RANBP17: variants seen among roughly 807,000 people sequenced by gnomAD.
RANBP17 encodes RAN binding protein 17, also known as ran-binding protein 17.
Under a neutral mutation model 141.2 loss-of-function variants are expected in RANBP17, and 158 were observed. The ratio of observed to expected loss-of-function variants is 1.12; its 90% CI spans 0.98 to 1.28. The LOEUF (loss-of-function observed/expected upper bound fraction) is 1.28, where lower values mean the gene tolerates loss of function less well. Ranked by LOEUF, RANBP17 falls within the 50% of genes most tolerant of loss-of-function variation. The probability of loss-of-function intolerance (pLI) is 0.00; values close to 1 mark genes in which losing one functional copy is unlikely to be tolerated. For synonymous variants in RANBP17, 430 were observed against 450.0 expected, an observed-to-expected ratio of 0.96 and a Z score of 0.56; for missense variants, 1,438 against 1,290.7, an observed-to-expected ratio of 1.11 and a Z score of -1.75.
rs550258262 is a variant in RANBP17, at chr5:171,084,212, T to C, written c.1711-85918T>C. On this transcript the variant is annotated intron_variant, in intron 14 of 27. Coordinates refer to ENST00000523189, the MANE Select transcript of RANBP17 (RefSeq NM_022897.5). Reference sequence around the variant, plus strand: ...CACCTATGAGTGAGAATATGCAGTGTTTGTTTTTTTGTTCTTGCGATAGTT... The same window carrying C: ...CACCTATGAGTGAGAATATGCAGTGCTTGTTTTTTTGTTCTTGCGATAGTT... Among the ~76,000 whole-genome samples, 574 of 149,820 alleles carry C rather than the reference T, an allele frequency of 3.8e-3. 4 individuals carry two copies. Among genetic ancestry groups the C allele is most frequent in the African/African-American group, 0.014 (559 of 40,874 alleles).
intron 8 of RANBP17, among the ~76,000 whole-genome samples, chr5:170,914,822 G>C (rs911532704): frequency 1.2e-4 from 19 of 152,142 alleles, no homozygotes; most frequent in African/African-American, 3.9e-4. Context: ...TCTTTGCGGA[G>C]CCTAAAACAA....
chr5:171,261,357 A>G (rs1766319104), intron 24 of RANBP17, among the ~76,000 whole-genome samples: 1 of 152,196 alleles, frequency 6.6e-6, no homozygotes. Context: ...CCTATTTCCA[A>G]AACCACTGCC....
chr5:170,918,658 T>A (rs1772174558), intron 9 of RANBP17, 55 bp from the exon 10 acceptor site: 3 of 1,433,408 alleles, frequency 2.1e-6, no homozygotes, highest in Non-Finnish European at 2.8e-6. Flanking sequence ...TTTACTGATT[T>A]TATTGTCCAT....
chr5:170,976,270 A>G (rs754925373), intron 14 of RANBP17, among the ~76,000 whole-genome samples: 7 of 152,336 alleles, frequency 4.6e-5, no homozygotes, highest in Admixed American at 2.6e-4. Context: ...TTAAATAGGA[A>G]TAAATTTAAC....
chr5:170,918,118 C>T (rs1456621733), intron 9 of RANBP17: 1 of 151,984 alleles, frequency 6.6e-6, no homozygotes, highest in African/African-American at 2.4e-5. Flanking sequence ...CAAAATTTAC[C>T]TGGGTGAATT....
At chr5:171,242,526 G>A (rs1232284983) in intron 23 of RANBP17, among the ~76,000 whole-genome samples, 156 bp from the exon 24 acceptor site, 1 of 152,124 alleles carries the variant, frequency 6.6e-6, no homozygotes, top group Non-Finnish European at 1.5e-5. Flanking sequence ...TTAAATGCTG[G>A]ATTGGGACTC....
rs146309526 is a variant in RANBP17 at position 170,984,351 on chromosome 5, G to A, written c.1710+15974G>A. Among the ~76,000 whole-genome samples, 5 of 152,240 alleles carry A rather than the reference G, an allele frequency of 3.3e-5. No individual in the cohort carries two copies. In the East Asian group the frequency reaches 7.7e-4, roughly 24 times the overall value. ...CTAACCAAAAGTGTGTTTAGGCCAG[G>A]CACAGTGGCTCACCCCTGTAATCCT... On this transcript the variant is annotated intron_variant, in intron 14 of 27. Transcript: ENST00000523189.
intron 16 of RANBP17, among the ~76,000 whole-genome samples, chr5:171,177,446 A>G (rs1760558533): frequency 6.6e-6 from 1 of 152,188 alleles, no homozygotes; most frequent in South Asian, 2.1e-4. Flanking sequence ...TACTTGACTT[A>G]CTGAGTTCCC....
intron 4 of RANBP17, among the ~76,000 whole-genome samples, chr5:170,894,484 TTTTA>T (rs1463263009): frequency 3.1e-4 from 5 of 16,056 alleles, no homozygotes; most frequent in Admixed American, 1.2e-3. Context: ...AGTACGTGTT[TTTTA>T]TATATATATA....
At chr5:170,914,141 T>C in intron 7 of RANBP17, 26 bp from the exon 8 acceptor site, 1 of 1,416,210 alleles carries the variant, frequency 7.1e-7, no homozygotes, top group South Asian at 1.2e-5. Context: ...AAAGTAATGG[T>C]GTTAGAAAAT....
intron 18 of RANBP17, among the ~76,000 whole-genome samples, chr5:171,195,811 A>T (rs1169521351): frequency 1.3e-5 from 2 of 152,228 alleles, no homozygotes; most frequent in Non-Finnish European, 2.9e-5. Context: ...CTCTGCTCAC[A>T]TGTAAAATGA....
In RANBP17 at chr5:171,061,096, T is replaced by A. The variant is rs551213877; in HGVS notation, c.1710+92719T>A. Among the ~76,000 whole-genome samples, 55 of 152,256 alleles carry A rather than the reference T, an allele frequency of 3.6e-4. 1 individual carries two copies. In the South Asian group the frequency reaches 0.011, roughly 30 times the overall value. On this transcript the variant is annotated intron_variant, in intron 14 of 27. Coordinates refer to ENST00000523189, the MANE Select transcript of RANBP17 (RefSeq NM_022897.5). ...GCTAGCGGTCTATCAATTTTGTTGA[T>A]CCTTTCAAAAAACCAGCTCCTGGAT...
chr5:171,105,757 A>G (rs1754781530), intron 14 of RANBP17, among the ~76,000 whole-genome samples: 1 of 152,082 alleles, frequency 6.6e-6, no homozygotes, highest in South Asian at 2.1e-4. Flanking sequence ...TATATCTTTG[A>G]CTTGCAAAAG....
At chr5:171,169,060 G>A (rs1230285465) in intron 14 of RANBP17, among the ~76,000 whole-genome samples, 1 of 152,106 alleles carries the variant, frequency 6.6e-6, no homozygotes, top group Non-Finnish European at 1.5e-5. Flanking sequence ...TTAAAATCCA[G>A]AAAAGAAATT....
At position 171,005,202 on chromosome 5, in the gene RANBP17, G is replaced by C. The variant is rs553235590; in HGVS notation, c.1710+36825G>C. Among the ~76,000 whole-genome samples, 80 of 152,210 alleles carry C rather than the reference G, an allele frequency of 5.3e-4. No homozygotes were observed. In the East Asian group the frequency reaches 8.1e-3, roughly 15 times the overall value. On this transcript the variant is annotated intron_variant, in intron 14 of 27. Transcript: ENST00000523189. The stretch of plus-strand genomic sequence containing the variant: ...TTTATAGATTCAATGCCATCCCCAT[G>C]AAGCTGCCAGTGACTTTCTTCACAG...
rs549704501 is a variant in RANBP17 at position 171,151,870 on chromosome 5, G to GT, written c.1711-18260_1711-18259insT. Among the ~76,000 whole-genome samples, 896 of 152,138 alleles carry GT rather than the reference G, an allele frequency of 5.9e-3. 12 individuals carry two copies. The highest frequency in any genetic ancestry group is 0.017 in the African/African-American group (689 of 41,480). The stretch of plus-strand genomic sequence containing the variant: ...TAATACAACTAAACCAGAGAGGGCT[G>GT]GTTTTTCTGCATTCAGAACTGTGGA... On this transcript the variant is annotated intron_variant, in intron 14 of 27. Transcript: ENST00000523189.
intron 1 of RANBP17, among the ~76,000 whole-genome samples, chr5:170,864,425 G>A (rs1254714922): frequency 6.6e-6 from 1 of 152,164 alleles, no homozygotes; most frequent in Admixed American, 6.5e-5. Flanking sequence ...TTTCCCCAAT[G>A]TCTCAAGCTC....
At chr5:170,994,801 C>G (rs1478580599) in intron 14 of RANBP17, among the ~76,000 whole-genome samples, 4 of 152,026 alleles carry the variant, frequency 2.6e-5, no homozygotes, top group African/African-American at 9.7e-5. Flanking sequence ...AGTTTAAGCT[C>G]TCTTTTCATA....
chr5:171,224,786 T>C (rs2127984616), intron 22 of RANBP17, among the ~76,000 whole-genome samples: 1 of 152,332 alleles, frequency 6.6e-6, no homozygotes, highest in South Asian at 2.1e-4. Context: ...GCTCTGCTCC[T>C]CAATTTAGAC....
Sources: allele counts gnomAD v4.1 joint callset (sites outside exome capture counted in the v4.1 genomes callset), GRCh38; gene constraint gnomAD v4.1.1; transcripts MANE v1.5; gene names NCBI Gene and HGNC (gene_info 2026-07-23, HGNC 2026-07-21).